CAMTA1: variants seen among roughly 807,000 people sequenced by gnomAD.
CAMTA1 encodes the protein calmodulin-binding transcription activator 1.
CAMTA1 carries 27 observed loss-of-function variants against 170.9 expected under a neutral mutation model. The ratio of observed to expected loss-of-function variants is 0.16; its 90% CI spans 0.12 to 0.22. CAMTA1 has a LOEUF of 0.22. Ranked by LOEUF, CAMTA1 falls within the 10% of genes least tolerant of loss-of-function variation. CAMTA1 has a pLI of 1.00. For synonymous variants in CAMTA1, 833 were observed against 891.5 expected (o/e 0.93, Z 1.17); for missense variants, 1,619 against 2,217.2 (o/e 0.73, Z 5.42).
chr1:7,708,276 A>T (rs2096542282), intron 11 of CAMTA1, among the ~76,000 whole-genome samples: 1 of 152,198 alleles, frequency 6.6e-6, no homozygotes, highest in Non-Finnish European at 1.5e-5. Flanking sequence ...GGTTGCAGTG[A>T]GCTGTGATTG....
intron 5 of CAMTA1, among the ~76,000 whole-genome samples, chr1:7,390,642 A>G (rs12072950): frequency 0.091 from 13,856 of 152,160 alleles, 1,836 homozygotes; most frequent in African/African-American, 0.29. Flanking sequence ...CCTGGAAGGG[A>G]CCCCACCCTA....
At position 7,224,118 on chromosome 1, in the gene CAMTA1, A is replaced by G. The variant is rs1301977316; in HGVS notation, c.303-25373A>G. Among the ~76,000 whole-genome samples the G allele has an allele frequency of 1.3e-5, 2 of 152,186 alleles. No homozygotes were observed. Among genetic ancestry groups the G allele is most frequent in the Non-Finnish European group, 1.5e-5 (1 of 68,022 alleles). On this transcript the variant is annotated intron_variant, in intron 4 of 22. Transcript: ENST00000303635. The surrounding 1 kb of genome is among the most constrained non-coding windows in gnomAD (Gnocchi z 5.2). ...AAGGATGGGGCACCTTAACGTTTGT[A>G]GCACCTTTACATAAAGCCAGAGTGC...
intron 4 of CAMTA1, among the ~76,000 whole-genome samples, chr1:7,246,851 A>G (rs1232681046): frequency 2.0e-5 from 3 of 151,930 alleles, no homozygotes; most frequent in African/African-American, 4.8e-5. Context: ...TATTTTTAGT[A>G]GAGGTGGGGT....
intron 5 of CAMTA1, among the ~76,000 whole-genome samples, chr1:7,392,309 G>A (rs1178191215): frequency 6.9e-6 from 1 of 144,784 alleles, no homozygotes; most frequent in Admixed American, 7.1e-5. Flanking sequence ...AGGCTGGAAC[G>A]CAATGGTGCA....
At chr1:7,419,253 T>C (rs2091402902) in intron 5 of CAMTA1, among the ~76,000 whole-genome samples, 2 of 152,232 alleles carry the variant, frequency 1.3e-5, no homozygotes, top group Admixed American at 1.3e-4. Flanking sequence ...CCTCCTGGGT[T>C]TAAATGATTC....
Position 7,239,635 on chromosome 1 carries a change from A to AT in CAMTA1, c.303-9831dup, listed in dbSNP as rs34166595. On this transcript the variant is annotated intron_variant, in intron 4 of 22. Coordinates refer to ENST00000303635, the MANE Select transcript of CAMTA1 (RefSeq NM_015215.4). ...AGAGTTCTCAATAGCTTCAAGGTCA[A>AT]TTTTTTTTTTTTTTTTTTTTTTTTT... Among the ~76,000 whole-genome samples, 643 of 103,932 alleles carry AT rather than the reference A, an allele frequency of 6.2e-3. 3 individuals carry two copies. The highest frequency in any genetic ancestry group is 0.017 in the Middle Eastern group (3 of 174). 68.2% of individuals were successfully genotyped at this position (103,932 alleles called of 152,430 possible).
intron 12 of CAMTA1, among the ~76,000 whole-genome samples, chr1:7,733,834 C>T (rs543174575): frequency 1.3e-5 from 2 of 152,186 alleles, no homozygotes; most frequent in East Asian, 1.9e-4. Context: ...ATATGCCACA[C>T]CCAAAAGGCT....
chr1:7,466,023 T>A (rs773897624), intron 5 of CAMTA1, among the ~76,000 whole-genome samples: 12 of 152,150 alleles, frequency 7.9e-5, no homozygotes, highest in Non-Finnish European at 1.0e-4. Context: ...CGTTGATATC[T>A]CCCTCCATTT....
intron 6 of CAMTA1, among the ~76,000 whole-genome samples, chr1:7,539,761 A>G (rs1222647739): frequency 6.6e-6 from 1 of 152,262 alleles, no homozygotes; most frequent in East Asian, 1.9e-4. Flanking sequence ...GAGGGCAGAC[A>G]TAGGAAGGCA....
chr1:7,052,568 A>G (rs533190088), intron 3 of CAMTA1, among the ~76,000 whole-genome samples: 60 of 152,194 alleles, frequency 3.9e-4, no homozygotes, highest in African/African-American at 1.4e-3. Flanking sequence ...CAGATTCCAC[A>G]GGTCCCTCCT....
rs371916927 is a variant in CAMTA1 at position 6,859,682 on chromosome 1, G to A, written c.234+34472G>A. Among the ~76,000 whole-genome samples the A allele has an allele frequency of 5.5e-4, 84 of 152,270 alleles. 1 individual carries two copies. The South Asian group carries it at 0.017, about 30-fold the overall frequency. ...TGCGTTCCTGTGGTCCCAGCTGCTC[G>A]GGAAGCTAAGGTGGGAGGATCACTT... On this transcript the variant is annotated intron_variant, in intron 3 of 22. Transcript: ENST00000303635.
At chr1:7,359,566 C>T (rs1276132150) in intron 5 of CAMTA1, among the ~76,000 whole-genome samples, 1 of 152,234 alleles carries the variant, frequency 6.6e-6, no homozygotes, top group East Asian at 1.9e-4. Context: ...TAGAATTCAG[C>T]TCCCTCTTCC....
intron 4 of CAMTA1, among the ~76,000 whole-genome samples, chr1:7,096,748 G>C (rs994072691): frequency 1.3e-5 from 2 of 152,168 alleles, no homozygotes; most frequent in Non-Finnish European, 2.9e-5. Context: ...TTGGAGTATT[G>C]AAATATCTCC....
chr1:7,612,017 C>G (rs1264712697), intron 6 of CAMTA1, among the ~76,000 whole-genome samples: 1 of 152,244 alleles, frequency 6.6e-6, no homozygotes, highest in African/African-American at 2.4e-5. Flanking sequence ...CTTTTGGGCT[C>G]TGGCCCCATG....
chr1:6,834,706 T>G (rs985509911), intron 3 of CAMTA1: 2 of 154,646 alleles, frequency 1.3e-5, no homozygotes, highest in African/African-American at 4.8e-5. Flanking sequence ...GGCGCAATCA[T>G]AACTTACCGC....
chr1:7,224,213 G>C lies in CAMTA1; in HGVS notation c.303-25278G>C, dbSNP rs1472586472. 6.6e-6 allele frequency among the ~76,000 whole-genome samples: 1 copy of C among 152,238 alleles called. No homozygotes were observed. On this transcript the variant is annotated intron_variant, in intron 4 of 22. Coordinates refer to ENST00000303635, the MANE Select transcript of CAMTA1 (RefSeq NM_015215.4). This position sits in a 1 kb window ranked among gnomAD's most constrained non-coding sequence, Gnocchi z 5.2. Reference sequence around the variant, plus strand: ...CTGCCAGGTGGAGGCCTTAGGTCTTGTCAGTCTCCTTTTACTGCAGGAGAG... The same window carrying C: ...CTGCCAGGTGGAGGCCTTAGGTCTTCTCAGTCTCCTTTTACTGCAGGAGAG...
chr1:7,442,047 C>T (rs561109171), intron 5 of CAMTA1, among the ~76,000 whole-genome samples: 1 of 152,302 alleles, frequency 6.6e-6, no homozygotes, highest in Non-Finnish European at 1.5e-5. Context: ...TTCCCCAGCG[C>T]TGTCCTCAGC....
In CAMTA1 at chr1:7,456,861, G is replaced by C. The variant is rs1179282243; in HGVS notation, c.439-10969G>C. 6.6e-6 allele frequency among the ~76,000 whole-genome samples: 1 copy of C among 152,214 alleles called. No individual in the cohort carries two copies. The highest frequency in any genetic ancestry group is 1.9e-4 in the East Asian group (1 of 5,190). ...GCAGGTGAGAGTGGCCAGGTTCCTG[G>C]ACGTGACCCTAAGCAGCAGGCGCTA... On this transcript the variant is annotated intron_variant, in intron 5 of 22. Coordinates refer to ENST00000303635, the MANE Select transcript of CAMTA1 (RefSeq NM_015215.4). This position sits in a 1 kb window ranked among gnomAD's most constrained non-coding sequence, Gnocchi z 4.9.
chr1:7,288,206 G>A (rs1481291817), intron 5 of CAMTA1, among the ~76,000 whole-genome samples: 2 of 152,316 alleles, frequency 1.3e-5, no homozygotes, highest in Middle Eastern at 3.4e-3. Flanking sequence ...CACTCGTAGC[G>A]CTCTGCGTGC....
Sources: gnomAD v4.1 joint callset for allele counts (sites outside exome capture counted in the v4.1 genomes callset) on GRCh38, gnomAD v4.1.1 for gene constraint, Gnocchi (gnomAD v3.1) non-coding constraint, MANE v1.5 for transcripts, NCBI Gene and HGNC (gene_info 2026-07-23, HGNC 2026-07-21) for gene names.